GLIS3: variants seen among roughly 807,000 people sequenced by gnomAD.
GLIS3 encodes the protein zinc finger protein GLIS3.
GLIS3 carries 53 observed loss-of-function variants against 78.6 expected under a neutral mutation model. The observed-to-expected ratio is 0.67, with a 90% CI of 0.54 to 0.85. GLIS3 has a LOEUF of 0.85. Ranked by LOEUF, GLIS3 falls within the 40% of genes least tolerant of loss-of-function variation. The pLI is 0.00. For missense variants in GLIS3, 1,703 were observed against 1,231.1 expected (o/e 1.38, Z -5.74); for synonymous variants, 684 against 509.9 (o/e 1.34, Z -4.60).
intron 2 of GLIS3, among the ~76,000 whole-genome samples, chr9:4,194,859 C>G (rs1818663534): frequency 1.3e-5 from 2 of 152,234 alleles, no homozygotes; most frequent in South Asian, 2.1e-4. Context: ...GGGAAAAACA[C>G]TGCGAAAAGC....
chr9:3,858,461 TTA>T (rs1186109413), intron 8 of GLIS3, among the ~76,000 whole-genome samples: 3 of 152,172 alleles, frequency 2.0e-5, no homozygotes, highest in African/African-American at 7.2e-5. Flanking sequence ...AACCATGGTT[TTA>T]GCACTGCTAT....
chr9:4,292,346 T>C (rs1816067031), intron 1 of GLIS3, among the ~76,000 whole-genome samples: 2 of 152,186 alleles, frequency 1.3e-5, no homozygotes, highest in Non-Finnish European at 2.9e-5. Context: ...TATACCTATC[T>C]GCCCATTTGT....
In GLIS3 at chr9:3,879,487, C is replaced by G. The variant is rs1456570482; in HGVS notation, c.2237G>C (p.Ser746Thr). The G allele has an allele frequency of 4.3e-6, 7 of 1,614,062 alleles. No individual in the cohort carries two copies. Among genetic ancestry groups the G allele is most frequent in the African/African-American group, 1.3e-5 (1 of 75,024 alleles). ...TAACTGGGAGGAGGGGTTGTGAGGGCTCCCCTGTACATTATGTCCTGGAGA... is the reference window on the plus strand; with the variant it reads ...TAACTGGGAGGAGGGGTTGTGAGGGGTCCCCTGTACATTATGTCCTGGAGA... ...HPSPGHNVQG[S>T]PHNPSSQLPP... is the part of the protein sequence containing the mutation. The change falls in exon 8 of 11, where the codon AGC (serine) becomes ACC (threonine). Residue 746 changes from serine to threonine, a missense_variant. Coordinates refer to ENST00000381971, the MANE Select transcript of GLIS3 (RefSeq NM_001042413.2).
At chr9:3,981,508 G>A (rs1383190899) in intron 4 of GLIS3, among the ~76,000 whole-genome samples, 1 of 152,110 alleles carries the variant, frequency 6.6e-6, no homozygotes, top group Non-Finnish European at 1.5e-5. Context: ...CTGACCCCAT[G>A]AGTCCGGGTT....
At chr9:4,365,323 T>C in the GLIS3 span, among the ~76,000 whole-genome samples, 3,566 of 152,198 alleles carry the variant, frequency 0.023, 149 homozygotes, top group African/African-American at 0.082. Context: ...TTTGGGAGGC[T>C]GAGTCAGGTG....
intron 8 of GLIS3, among the ~76,000 whole-genome samples, chr9:3,869,498 T>C (rs1427221638): frequency 6.6e-6 from 1 of 152,178 alleles, no homozygotes; most frequent in Non-Finnish European, 1.5e-5. Flanking sequence ...GGCAAGGTAC[T>C]CCTAGCAATG....
At position 4,044,151 on chromosome 9, in the gene GLIS3, G is replaced by C. The variant is rs187347714; in HGVS notation, c.1710+73617C>G. Among the ~76,000 whole-genome samples the C allele has an allele frequency of 2.0e-5, 3 of 152,280 alleles. No individual in the cohort carries two copies. In the East Asian group the frequency reaches 5.8e-4, roughly 29 times the overall value. On this transcript the variant is annotated intron_variant, in intron 4 of 10. Transcript: ENST00000381971. ...ATGCCCATCAGAAAGGACATGGGGAGGGAGTCTGTTCAACAGGAGAATGAA... is the reference window on the plus strand; with the variant it reads ...ATGCCCATCAGAAAGGACATGGGGACGGAGTCTGTTCAACAGGAGAATGAA...
At chr9:4,259,637 T>C (rs1825322735) in intron 2 of GLIS3, among the ~76,000 whole-genome samples, 1 of 152,202 alleles carries the variant, frequency 6.6e-6, no homozygotes, top group Admixed American at 6.5e-5. Flanking sequence ...TTGCTTGCAA[T>C]GGTGTTATGC....
chr9:4,038,228 C>T (rs895236), intron 4 of GLIS3, among the ~76,000 whole-genome samples: 21,237 of 152,060 alleles, frequency 0.14, 1,911 homozygotes, highest in East Asian at 0.41. Context: ...ATTCCAGTTT[C>T]GACATCCTAA....
the GLIS3 span, among the ~76,000 whole-genome samples, chr9:4,414,605 G>C: frequency 2.0e-5 from 3 of 152,044 alleles, no homozygotes; most frequent in African/African-American, 7.2e-5. Context: ...TCACTGACTA[G>C]ACTTTTCAGA....
the GLIS3 span, among the ~76,000 whole-genome samples, chr9:4,455,322 G>T: frequency 1.3e-5 from 2 of 152,138 alleles, no homozygotes; most frequent in African/African-American, 4.8e-5. Context: ...ACTCTTTGTA[G>T]ACAACTAAAT....
intron 8 of GLIS3, among the ~76,000 whole-genome samples, chr9:3,857,611 C>G (rs531524349): frequency 2.6e-5 from 4 of 152,230 alleles, no homozygotes; most frequent in East Asian, 1.9e-4. Flanking sequence ...GAAGTCAAGG[C>G]GAGGAGCTTA....
intron 2 of GLIS3, among the ~76,000 whole-genome samples, chr9:4,126,578 G>C (rs913361251): frequency 6.6e-6 from 1 of 152,096 alleles, no homozygotes; most frequent in Admixed American, 6.5e-5. Flanking sequence ...ATTTTCATTA[G>C]TAACAATCTT....
At chr9:4,226,490 G>C (rs1424272410) in intron 2 of GLIS3, among the ~76,000 whole-genome samples, 2 of 152,096 alleles carry the variant, frequency 1.3e-5, no homozygotes, top group Admixed American at 6.5e-5. Flanking sequence ...GCTATGCTTT[G>C]GCTCAAACTC....
At chr9:4,419,175 A>G in the GLIS3 span, among the ~76,000 whole-genome samples, 1 of 152,134 alleles carries the variant, frequency 6.6e-6, no homozygotes, top group Non-Finnish European at 1.5e-5. Context: ...TCTCTCCCAA[A>G]TGTTTAATCC....
intron 4 of GLIS3, among the ~76,000 whole-genome samples, chr9:4,045,840 A>T (rs1414962666): frequency 1.3e-5 from 2 of 152,180 alleles, no homozygotes; most frequent in East Asian, 3.9e-4. Context: ...TACTCTTGGA[A>T]AATGAAAGAT....
At chr9:4,010,561 G>C (rs1041318479) in intron 4 of GLIS3, among the ~76,000 whole-genome samples, 5 of 152,118 alleles carry the variant, frequency 3.3e-5, no homozygotes, top group African/African-American at 1.2e-4. Flanking sequence ...TCTGGTAATA[G>C]CAGGCAGGAC....
At chr9:3,852,201 C>T (rs371790274) in intron 9 of GLIS3, among the ~76,000 whole-genome samples, 13 of 151,720 alleles carry the variant, frequency 8.6e-5, no homozygotes, top group African/African-American at 2.7e-4. Context: ...GATAAAGGCA[C>T]CTGCATAGTT....
At chr9:4,067,564 G>C (rs920970933) in intron 4 of GLIS3, among the ~76,000 whole-genome samples, 9 of 151,998 alleles carry the variant, frequency 5.9e-5, no homozygotes, top group African/African-American at 1.9e-4. Flanking sequence ...GCAAAAAAAG[G>C]AGAATATTTT....
Sources: gnomAD v4.1 joint callset for allele counts (sites outside exome capture counted in the v4.1 genomes callset) on GRCh38, gnomAD v4.1.1 for gene constraint, MANE v1.5 for transcripts, NCBI Gene and HGNC (gene_info 2026-07-23, HGNC 2026-07-21) for gene names.